The following MORC4 variants were observed in gnomAD, a reference collection of about 807,000 sequenced individuals.
The protein encoded by MORC4 is MORC family CW-type zinc finger 4, also known as MORC family CW-type zinc finger protein 4.
A neutral mutation model predicts 65.5 loss-of-function variants in MORC4; 22 were observed. That is an observed-to-expected ratio of 0.34 (90% CI 0.24 to 0.48). The LOEUF is 0.48. Ranked by LOEUF, MORC4 falls within the 20% of genes least tolerant of loss-of-function variation. The pLI is 0.99. For synonymous variants in MORC4, 267 were observed against 255.8 expected (o/e 1.04, Z -0.42); for missense variants, 624 against 703.0 (o/e 0.89, Z 1.27).
chrX:106,988,894 T>C (rs899013511), intron 3 of MORC4, among the ~76,000 whole-genome samples: 11 of 111,533 alleles, frequency 9.9e-5, no homozygotes, highest in African/African-American at 3.3e-4. Context: ...TAAATTTAAA[T>C]TGGGACTCTG....
intron 5 of MORC4, 21 bp from the exon 6 acceptor site, chrX:106,981,498 C>T (rs776587425): frequency 1.7e-6 from 2 of 1,153,383 alleles, no homozygotes; most frequent in East Asian, 6.2e-5. Flanking sequence ...GAGACAAGTA[C>T]CAATCTAACA....
Position 107,000,039 on chromosome X carries a change from G to T in MORC4, c.-70C>A. Reference sequence around the variant, plus strand: ...GCCCGGCGGTCCGGGACTAGCCCTCGCTCACTTCCACTCGCAGCTGGCGGC... The same window carrying T: ...GCCCGGCGGTCCGGGACTAGCCCTCTCTCACTTCCACTCGCAGCTGGCGGC... On this transcript the variant is annotated 5_prime_UTR_variant, in exon 1 of 17. Coordinates refer to ENST00000355610, the MANE Select transcript of MORC4 (RefSeq NM_024657.5). 2 of 432,060 alleles carry T rather than the reference G, an allele frequency of 4.6e-6. No individual in the cohort carries two copies. The highest frequency in any genetic ancestry group is 6.3e-6 in the Non-Finnish European group (2 of 317,928). 35.6% of individuals were successfully genotyped at this position (432,060 alleles called of 1,213,427 possible). A position where few individuals can be genotyped will look rare whatever the true frequency, so the allele number is the denominator to read the frequency against.
At chrX:106,975,730 G>C (rs994679344) in intron 9 of MORC4, among the ~76,000 whole-genome samples, 3 of 110,488 alleles carry the variant, frequency 2.7e-5, no homozygotes, top group Non-Finnish European at 5.7e-5. Flanking sequence ...CCTCTGCTTA[G>C]AATGTCCTTC....
chrX:106,977,710 T>A (rs1934655583), intron 8 of MORC4, among the ~76,000 whole-genome samples: 1 of 111,367 alleles, frequency 9.0e-6, no homozygotes. Flanking sequence ...CAAATCCTGG[T>A]CTTCAACCAC....
chrX:106,950,285 T>G (rs1933939961), intron 14 of MORC4, among the ~76,000 whole-genome samples: 1 of 112,063 alleles, frequency 8.9e-6, no homozygotes. Context: ...CTCATAATTG[T>G]TCTCCACCAA....
At chrX:106,964,917 G>A (rs1398715957) in intron 9 of MORC4, among the ~76,000 whole-genome samples, 3 of 109,998 alleles carry the variant, frequency 2.7e-5, no homozygotes, top group Non-Finnish European at 5.7e-5. Context: ...GCTGAGGCAG[G>A]AGAATAGCTT....
At chrX:106,980,352 T>C (rs187222417) in intron 7 of MORC4, among the ~76,000 whole-genome samples, 34 of 111,051 alleles carry the variant, frequency 3.1e-4, no homozygotes, top group African/African-American at 1.0e-3. Context: ...CCTAAGAAGA[T>C]TTACTTCACT....
Position 106,962,083 on chromosome X carries a change from C to T in MORC4, c.1185G>A (p.Lys395=). ...YRLTINALAQ[K]LNAYWKEKTS... ...TTTTTTCCTTCCAGTAAGCATTGAG[C>T]TTCTGGGCAAGGGCATTTATTGTTA... The change falls in exon 10 of 17, where the codon AAG becomes AAA. Residue 395 remains lysine (K), a synonymous_variant. Coordinates refer to ENST00000355610, the MANE Select transcript of MORC4 (RefSeq NM_024657.5). 1 of 1,207,729 alleles carries T rather than the reference C, an allele frequency of 8.3e-7. No individual in the cohort carries two copies. Among genetic ancestry groups the T allele is most frequent in the East Asian group, 3.0e-5 (1 of 33,812 alleles).
intron 14 of MORC4, among the ~76,000 whole-genome samples, chrX:106,949,196 T>C (rs1933916538): frequency 1.8e-5 from 2 of 111,838 alleles, no homozygotes; most frequent in South Asian, 7.5e-4. Context: ...CCTTTAAAAT[T>C]TTTTTCATAT....
At chrX:106,945,537 G>C (rs1419101801) in intron 14 of MORC4, among the ~76,000 whole-genome samples, 1 of 108,266 alleles carries the variant, frequency 9.2e-6, no homozygotes, top group African/African-American at 3.4e-5. Context: ...AGATGGGGAG[G>C]AGGGAACAAA....
chrX:106,987,792 T>C (rs1356599164), intron 3 of MORC4, among the ~76,000 whole-genome samples: 1 of 110,607 alleles, frequency 9.0e-6, no homozygotes, highest in Non-Finnish European at 1.9e-5. Flanking sequence ...GTAGATACTT[T>C]ATAGGAGCTG....
intron 9 of MORC4, among the ~76,000 whole-genome samples, chrX:106,970,669 A>G (rs991483149): frequency 9.0e-6 from 1 of 111,703 alleles, no homozygotes; most frequent in African/African-American, 3.3e-5. Context: ...ATTCCTATAC[A>G]CCAATAATAG....
At chrX:106,954,347 T>C in intron 14 of MORC4, among the ~76,000 whole-genome samples, 1 of 112,481 alleles carries the variant, frequency 8.9e-6, no homozygotes, top group Non-Finnish European at 1.9e-5. Context: ...TGCTTCTTCT[T>C]GTTATGAAGA....
chrX:106,976,914 T>C (rs1159036301), intron 8 of MORC4, among the ~76,000 whole-genome samples: 1 of 111,113 alleles, frequency 9.0e-6, no homozygotes. Flanking sequence ...GATCCATAGA[T>C]CCCTAGGAGT....
At chrX:106,974,696 G>A (rs187673544) in intron 9 of MORC4, among the ~76,000 whole-genome samples, 182 of 111,769 alleles carry the variant, frequency 1.6e-3, no homozygotes, top group East Asian at 0.015. Context: ...TTTATTTGTA[G>A]ACATTCCAGC....
chrX:106,982,948 A>G (rs1934780648), intron 5 of MORC4, among the ~76,000 whole-genome samples: 1 of 111,915 alleles, frequency 8.9e-6, no homozygotes, highest in Admixed American at 9.5e-5. Flanking sequence ...CTTTATTTAT[A>G]CAGGTTGAAT....
In MORC4 at chrX:106,941,606, C is replaced by T. The variant is rs772865513; in HGVS notation, c.2687G>A (p.Arg896His). ...AGTAAGGAGATAGCTGACGTGGATACGTAGCCGCGTAAGCTTTGCCAAAGC... is the reference window on the plus strand; with the variant it reads ...AGTAAGGAGATAGCTGACGTGGATATGTAGCCGCGTAAGCTTTGCCAAAGC... ...ERALAKLTRL[R>H]IHVSYLLTSV... The change falls in exon 17 of 17, where the codon CGT becomes CAT. Residue 896 changes from arginine to histidine, a missense_variant. Transcript: ENST00000355610. 10 of 1,208,173 alleles carry T rather than the reference C, an allele frequency of 8.3e-6. No individual in the cohort carries two copies. Among genetic ancestry groups the T allele is most frequent in the Admixed American group, 2.2e-5 (1 of 45,593 alleles).
intron 2 of MORC4, 89 bp downstream of exon 2, chrX:106,999,588 G>A: frequency 1.4e-6 from 1 of 716,173 alleles, no homozygotes; most frequent in South Asian, 2.7e-5. Context: ...CCCGCCCCGC[G>A]CGGCTCTGCG....
At chrX:106,961,869 G>A (rs1487370260) in intron 10 of MORC4, 143 bp downstream of exon 10, 17 of 486,586 alleles carry the variant, frequency 3.5e-5, no homozygotes, top group Admixed American at 9.3e-5. Context: ...CACTCACCAC[G>A]AAGGTCTGCA....
Sources: allele counts gnomAD v4.1 joint callset (sites outside exome capture counted in the v4.1 genomes callset), GRCh38; gene constraint gnomAD v4.1.1; transcripts MANE v1.5; gene names NCBI Gene and HGNC (gene_info 2026-07-23, HGNC 2026-07-21).